MAP2K1: variants seen among roughly 807,000 people sequenced by gnomAD.
The protein encoded by MAP2K1 is dual specificity mitogen-activated protein kinase kinase 1.
Under a neutral mutation model 46.3 loss-of-function variants are expected in MAP2K1, and 16 were observed. That is an observed-to-expected ratio of 0.35 (90% confidence interval 0.23 to 0.52). The LOEUF is 0.52. Among genes scored for constraint, MAP2K1 ranks in the 20% least tolerant of loss-of-function variants. The pLI, the probability that MAP2K1 is intolerant of heterozygous loss-of-function variation, is 0.94. For missense variants in MAP2K1, 263 were observed against 497.1 expected (o/e 0.53, Z 4.48); for synonymous variants, 183 against 185.6 (o/e 0.99, Z 0.11).
chr15:66,453,512 T>G, intron 5 of MAP2K1: 1 of 702,368 alleles, frequency 1.4e-6, no homozygotes, highest in Non-Finnish European at 2.6e-6. Context: ...GAATGGTACC[T>G]GTGCACCAGC....
At chr15:66,426,880 T>G (rs545053189) in intron 1 of MAP2K1, among the ~76,000 whole-genome samples, 1 of 152,360 alleles carries the variant, frequency 6.6e-6, no homozygotes, top group African/African-American at 2.4e-5. Flanking sequence ...GATAGAACTC[T>G]CCAGGTAAAT....
At chr15:66,399,873 G>A (rs2093377327) in intron 1 of MAP2K1, among the ~76,000 whole-genome samples, 1 of 152,142 alleles carries the variant, frequency 6.6e-6, no homozygotes, top group Admixed American at 6.5e-5. Flanking sequence ...GGGATTACAG[G>A]TGTGAGCCAC....
At chr15:66,398,866 C>T (rs1168694486) in intron 1 of MAP2K1, among the ~76,000 whole-genome samples, 2 of 151,776 alleles carry the variant, frequency 1.3e-5, no homozygotes, top group East Asian at 1.9e-4. Flanking sequence ...CTCCGTCTCC[C>T]GGGTTCAAGT....
At chr15:66,489,878 C>A in intron 10 of MAP2K1, 115 bp downstream of exon 10, 1 of 918,008 alleles carries the variant, frequency 1.1e-6, no homozygotes, top group Non-Finnish European at 1.8e-6. Context: ...TGTGGTCCAG[C>A]TGAGCCTGGG....
Position 66,410,430 on chromosome 15 carries a change from A to G in MAP2K1, c.80+23003A>G, listed in dbSNP as rs563883866. 3.3e-5 allele frequency among the ~76,000 whole-genome samples: 5 copies of G among 151,856 alleles called. No individual in the cohort carries two copies. The East Asian group carries it at 9.6e-4, about 29-fold the overall frequency. ...TTAGGAAAAAGGGGAAAAAAGAGAG[A>G]AGGTTGATAAGTGTATTTGGAGAGA... On this transcript the variant is annotated intron_variant, in intron 1 of 10. Transcript: ENST00000307102.
At chr15:66,481,535 C>T (rs545384654) in intron 5 of MAP2K1, among the ~76,000 whole-genome samples, 14 of 152,302 alleles carry the variant, frequency 9.2e-5, no homozygotes, top group African/African-American at 2.9e-4. Flanking sequence ...TGTTCTACTT[C>T]TACAGCAGCT....
intron 7 of MAP2K1, 104 bp downstream of exon 7, chr15:66,485,295 A>AT (rs1893011130): frequency 7.9e-6 from 9 of 1,137,056 alleles, no homozygotes; most frequent in Non-Finnish European, 2.5e-6. Context: ...GCCAAGACTG[A>AT]TTCTCTGTCC....
intron 2 of MAP2K1, among the ~76,000 whole-genome samples, chr15:66,436,178 A>C (rs1017412072): frequency 6.6e-6 from 1 of 152,182 alleles, no homozygotes; most frequent in Admixed American, 6.5e-5. Context: ...TAACCACTGC[A>C]TCCATGTTCT....
At chr15:66,427,084 C>CT (rs2093461176) in intron 1 of MAP2K1, among the ~76,000 whole-genome samples, 1 of 152,066 alleles carries the variant, frequency 6.6e-6, no homozygotes, top group Non-Finnish European at 1.5e-5. Flanking sequence ...CTAGAAGGCC[C>CT]TCAGTAAAGT....
At chr15:66,428,877 T>C (rs938024498) in intron 1 of MAP2K1, among the ~76,000 whole-genome samples, 10 of 145,658 alleles carry the variant, frequency 6.9e-5, no homozygotes, top group Admixed American at 6.5e-4. Flanking sequence ...CCTCCCAGGC[T>C]CTGGTAATTC....
chr15:66,452,301 A>AG (rs1555417527), intron 5 of MAP2K1, among the ~76,000 whole-genome samples: 268 of 22,714 alleles, frequency 0.012, 3 homozygotes, highest in Middle Eastern at 0.038. Context: ...AAAAAAAAAA[A>AG]AAGAAAAAAA....
chr15:66,481,961 G>A (rs368311208), intron 6 of MAP2K1, 82 bp downstream of exon 6: 1 of 1,533,286 alleles, frequency 6.5e-7, no homozygotes, highest in Admixed American at 1.9e-5. Flanking sequence ...TGTGGAGCCA[G>A]AGTCTTGTGC....
chr15:66,443,426 C>A, intron 4 of MAP2K1, 69 bp downstream of exon 4: 1 of 978,552 alleles, frequency 1.0e-6, no homozygotes, highest in Non-Finnish European at 1.7e-6. Flanking sequence ...AAGAAATGGA[C>A]AAGAGAGGAA....
At position 66,444,873 on chromosome 15, in the gene MAP2K1, C is replaced by A; in HGVS notation, c.568+166C>A. The A allele has an allele frequency of 4.6e-6, 3 of 646,982 alleles. No homozygotes were observed. In the South Asian group the frequency reaches 5.4e-5, roughly 12 times the overall value. The allele number at this position is 646,982 out of a possible 1,614,324, so 40.1% of individuals were successfully genotyped here. The stretch of plus-strand genomic sequence containing the variant: ...AGTTTGGTGGCTGAGGCAGCAACTC[C>A]TACCCTCTTTTTGGTCTTGCTACAC... On this transcript the variant is annotated intron_variant, in intron 5 of 10. Transcript: ENST00000307102.
chr15:66,489,152 G>A (rs1893152800), intron 8 of MAP2K1, 63 bp from the exon 9 acceptor site: 1 of 1,316,300 alleles, frequency 7.6e-7, no homozygotes, highest in Non-Finnish European at 1.1e-6. Context: ...GGGGTGGGAT[G>A]GGGAGAGGAG....
intron 1 of MAP2K1, among the ~76,000 whole-genome samples, chr15:66,388,213 C>CT (rs1300515086): frequency 6.6e-6 from 1 of 152,162 alleles, no homozygotes; most frequent in Non-Finnish European, 1.5e-5. Flanking sequence ...TGCTTACAAA[C>CT]GAGCACTTTA....
chr15:66,490,680 C>T lies in MAP2K1; in HGVS notation c.*65C>T, dbSNP rs1264694706. On this transcript the variant is annotated 3_prime_UTR_variant, in exon 11 of 11. Coordinates refer to ENST00000307102, the MANE Select transcript of MAP2K1 (RefSeq NM_002755.4). The stretch of plus-strand genomic sequence containing the variant: ...GGTTTGCCATGTCGCTTTTGGGCCT[C>T]CTTCCCATGCCTGTCTCTGTTCAGA... 1 of 1,083,446 alleles carries T rather than the reference C, an allele frequency of 9.2e-7. No homozygotes were observed. Among genetic ancestry groups the T allele is most frequent in the Non-Finnish European group, 1.4e-6 (1 of 697,018 alleles). The allele number at this position is 1,083,446 out of a possible 1,614,324, so 67.1% of individuals were successfully genotyped here.
intron 5 of MAP2K1, among the ~76,000 whole-genome samples, chr15:66,467,704 G>A (rs1892501899): frequency 6.6e-6 from 1 of 152,144 alleles, no homozygotes; most frequent in South Asian, 2.1e-4. Context: ...GGGATTACAG[G>A]TGCCTGCCAC....
At chr15:66,433,001 T>TGTGTGTGTGTGTGTGTGTGTGTGTGTG (rs56089688) in intron 1 of MAP2K1, among the ~76,000 whole-genome samples, 2 of 151,114 alleles carry the variant, frequency 1.3e-5, no homozygotes, top group Non-Finnish European at 3.0e-5. Flanking sequence ...TGTGTGTGTG[T>TGTGTGTGTGTGTGTGTGTGTGTGTGTG]TGACAGCTTT....
Sources: allele counts gnomAD v4.1 joint callset (sites outside exome capture counted in the v4.1 genomes callset), GRCh38; gene constraint gnomAD v4.1.1; transcripts MANE v1.5; gene names NCBI Gene and HGNC (gene_info 2026-07-23, HGNC 2026-07-21).